Variants in NELL1 observed in about 807,000 individuals in gnomAD.
NELL1 encodes protein kinase C-binding protein NELL1.
In NELL1, 76 loss-of-function variants were observed where a neutral mutation model predicts 107.4. The ratio of observed to expected loss-of-function variants is 0.71; its 90% confidence interval spans 0.59 to 0.86. The LOEUF (loss-of-function observed/expected upper bound fraction) is 0.86. Ranked by LOEUF, NELL1 falls within the 40% of genes least tolerant of loss-of-function variation. NELL1 has a pLI of 0.00. For missense variants in NELL1, 1,024 were observed against 1,005.5 expected, an observed-to-expected ratio of 1.02 and a Z score of -0.25; for synonymous variants, 353 against 341.2, an observed-to-expected ratio of 1.03 and a Z score of -0.38.
chr11:21,370,901 A>C lies in NELL1; in HGVS notation c.1598A>C (p.Asn533Thr), dbSNP rs571465629. Residue 533 changes from asparagine (N) to threonine (T), a missense_variant, in exon 15 of 20, where the codon AAC becomes ACC. Physicochemically the swap from Asn to Thr is moderately conservative, Grantham distance 65. Coordinates refer to ENST00000357134, the MANE Select transcript of NELL1 (RefSeq NM_006157.5). ...CRYGGTCVAP[N>T]KCVCPSGFTG... The stretch of plus-strand genomic sequence containing the variant: ...TACGGTGGAACGTGTGTGGCTCCCA[A>C]CAAATGTGTCTGTCCATCTGGATTC... The C allele has an allele frequency of 6.2e-7, 1 of 1,611,886 alleles. No homozygotes were observed. Among genetic ancestry groups the C allele is most frequent in the Non-Finnish European group, 8.5e-7 (1 of 1,178,890 alleles).
Position 21,170,544 on chromosome 11 carries a change from C to T in NELL1, c.1426+56830C>T, listed in dbSNP as rs114912535. The stretch of plus-strand genomic sequence containing the variant: ...CACATTTACCTAATATATAATATTG[C>T]CTTTTAAAAAACTATATGCACTTTT... On this transcript the variant is annotated intron_variant, in intron 13 of 19. Transcript: ENST00000357134. 8.7e-3 allele frequency among the ~76,000 whole-genome samples: 1,315 copies of T among 151,668 alleles called. 60 individuals carry two copies. Among genetic ancestry groups the T allele is most frequent in the African/African-American group, 0.03 (1,240 of 41,098 alleles).
At position 21,466,131 on chromosome 11, in the gene NELL1, G is replaced by T. The variant is rs140556431; in HGVS notation, c.1646-68243G>T. Reference sequence around the variant, plus strand: ...CATAGCTAATTAGTGGCAGAGAATTGTGTCTCCTGACTCCAAGTTTAAGAC... The same window carrying T: ...CATAGCTAATTAGTGGCAGAGAATTTTGTCTCCTGACTCCAAGTTTAAGAC... On this transcript the variant is annotated intron_variant, in intron 15 of 19. Transcript: ENST00000357134. Among the ~76,000 whole-genome samples, 131 of 152,206 alleles carry T rather than the reference G, an allele frequency of 8.6e-4. No individual in the cohort carries two copies. The Middle Eastern group carries it at 0.01, about 12-fold the overall frequency.
Position 21,224,324 on chromosome 11 carries a change from C to A in NELL1, c.1427-5008C>A, listed in dbSNP as rs138559845. Among the ~76,000 whole-genome samples, 723 of 151,992 alleles carry A rather than the reference C, an allele frequency of 4.8e-3. 6 individuals carry two copies. The highest frequency in any genetic ancestry group is 0.017 in the African/African-American group (694 of 41,430). ...GTGGCATGAACATGGTTCCCTGCAA[C>A]CTTGACCTCCTGGGCTCAAGTGATC... is the stretch of plus-strand genomic sequence containing the variant. On this transcript the variant is annotated intron_variant, in intron 13 of 19. Transcript: ENST00000357134.
intron 4 of NELL1, among the ~76,000 whole-genome samples, chr11:20,884,929 G>A (rs1396638416): frequency 2.0e-5 from 3 of 152,178 alleles, no homozygotes; most frequent in African/African-American, 4.8e-5. Context: ...CATCTAGGCA[G>A]CTGCAATCTA....
At chr11:21,109,059 T>C (rs1480225114) in intron 12 of NELL1, among the ~76,000 whole-genome samples, 1 of 152,094 alleles carries the variant, frequency 6.6e-6, no homozygotes, top group African/African-American at 2.4e-5. Flanking sequence ...CAGGTTTCTA[T>C]GCTTACTGAT....
intron 11 of NELL1, among the ~76,000 whole-genome samples, 169 bp from the exon 12 acceptor site, chr11:20,960,263 A>G (rs199576749): frequency 6.6e-6 from 1 of 152,200 alleles, no homozygotes; most frequent in Non-Finnish European, 1.5e-5. Flanking sequence ...TGGACAGCCC[A>G]AAGTTTCCTA....
At chr11:21,483,484 T>A (rs1027324065) in intron 15 of NELL1, among the ~76,000 whole-genome samples, 13 of 152,098 alleles carry the variant, frequency 8.5e-5, no homozygotes, top group Non-Finnish European at 1.5e-4. Context: ...AATCCAATGA[T>A]TTTAATATTG....
At chr11:20,845,276 G>A (rs1253552720) in intron 3 of NELL1, among the ~76,000 whole-genome samples, 3 of 152,098 alleles carry the variant, frequency 2.0e-5, no homozygotes, top group Admixed American at 6.6e-5. Context: ...TTACCCCAAT[G>A]TAATCACTGA....
At chr11:21,512,055 C>A (rs1278232720) in intron 15 of NELL1, among the ~76,000 whole-genome samples, 3 of 152,180 alleles carry the variant, frequency 2.0e-5, no homozygotes, top group African/African-American at 7.2e-5. Context: ...GGCGATGGTC[C>A]TCAAGCCTCA....
chr11:20,791,859 A>C (rs762920512), intron 3 of NELL1, among the ~76,000 whole-genome samples: 19 of 151,388 alleles, frequency 1.3e-4, no homozygotes, highest in East Asian at 1.2e-3. Context: ...TTCTATATCT[A>C]CTGAGATGAT....
At chr11:20,917,594 T>C (rs147427152) in intron 5 of NELL1, among the ~76,000 whole-genome samples, 2 of 152,072 alleles carry the variant, frequency 1.3e-5, no homozygotes, top group South Asian at 2.1e-4. Flanking sequence ...AATATTTTCA[T>C]TGAGAGATGA....
At chr11:20,747,709 G>A (rs1446986960) in intron 2 of NELL1, among the ~76,000 whole-genome samples, 11 of 152,136 alleles carry the variant, frequency 7.2e-5, no homozygotes, top group Admixed American at 7.2e-4. Flanking sequence ...TCACATCATA[G>A]CAGAAGGCAT....
intron 13 of NELL1, among the ~76,000 whole-genome samples, chr11:21,160,277 C>T (rs1367597295): frequency 3.3e-5 from 5 of 152,164 alleles, no homozygotes; most frequent in African/African-American, 1.2e-4. Context: ...GAACTATTTT[C>T]TATTCATCAT....
chr11:21,022,713 T>G (rs888674822), intron 12 of NELL1, among the ~76,000 whole-genome samples: 1 of 152,128 alleles, frequency 6.6e-6, no homozygotes, highest in Non-Finnish European at 1.5e-5. Flanking sequence ...TTTACTTTTT[T>G]GTGACCTTGG....
At chr11:20,731,823 C>A (rs1172912295) in intron 2 of NELL1, among the ~76,000 whole-genome samples, 1 of 152,158 alleles carries the variant, frequency 6.6e-6, no homozygotes, top group Non-Finnish European at 1.5e-5. Flanking sequence ...GAGTAAATGG[C>A]AGCTGTTGCC....
chr11:21,516,301 A>G (rs1359532399), intron 15 of NELL1, among the ~76,000 whole-genome samples: 14 of 152,146 alleles, frequency 9.2e-5, no homozygotes, highest in Admixed American at 7.2e-4. Context: ...AAAACTATTC[A>G]TCCTCTTCCT....
chr11:20,701,819 A>G (rs2133882247), intron 2 of NELL1, among the ~76,000 whole-genome samples: 1 of 152,250 alleles, frequency 6.6e-6, no homozygotes, highest in Admixed American at 6.5e-5. Flanking sequence ...AGATGGTTGT[A>G]GATGTGCGGT....
chr11:21,056,396 C>T (rs1853616371), intron 12 of NELL1, among the ~76,000 whole-genome samples: 1 of 152,100 alleles, frequency 6.6e-6, no homozygotes, highest in African/African-American at 2.4e-5. Context: ...AAAGACTTCC[C>T]CTCAGAAGTG....
intron 13 of NELL1, among the ~76,000 whole-genome samples, chr11:21,201,468 A>G (rs1313862270): frequency 3.3e-5 from 5 of 152,056 alleles, no homozygotes; most frequent in Admixed American, 3.3e-4. Context: ...ATTTTTGCAC[A>G]TTGATTTTAT....
Sources: gnomAD v4.1 joint callset for allele counts (sites outside exome capture counted in the v4.1 genomes callset) on GRCh38, gnomAD v4.1.1 for gene constraint, MANE v1.5 for transcripts, NCBI Gene and HGNC (gene_info 2026-07-23, HGNC 2026-07-21) for gene names.